CDH13: variants seen among roughly 807,000 people sequenced by gnomAD.
The protein encoded by CDH13 is cadherin-13.
CDH13 carries 24 observed loss-of-function variants against 63.8 expected under a neutral mutation model. That is an observed-to-expected ratio of 0.38 (90% CI 0.27 to 0.53). The LOEUF (loss-of-function observed/expected upper bound fraction) is 0.53. CDH13 is among the 20% of genes least tolerant of loss of function. The probability of loss-of-function intolerance (pLI) is 0.85; values close to 1 mark genes in which losing one functional copy is unlikely to be tolerated. For missense variants in CDH13, 1,049 were observed against 903.1 expected (o/e 1.16, Z -2.07); for synonymous variants, 503 against 355.3 (o/e 1.42, Z -4.67).
intron 7 of CDH13, among the ~76,000 whole-genome samples, chr16:83,491,765 C>A (rs1320628692): frequency 6.6e-6 from 1 of 151,994 alleles, no homozygotes; most frequent in African/African-American, 2.4e-5. Context: ...TGATAGCCTG[C>A]CCGTGAAAAT....
chr16:83,588,116 A>C (rs1906351926), intron 7 of CDH13, among the ~76,000 whole-genome samples: 2 of 152,158 alleles, frequency 1.3e-5, no homozygotes, highest in Admixed American at 1.3e-4. Context: ...CAAGGTGGAA[A>C]AGAGCCCAGC....
intron 7 of CDH13, among the ~76,000 whole-genome samples, chr16:83,531,387 G>C (rs1598233220): frequency 2.0e-5 from 3 of 152,304 alleles, no homozygotes; most frequent in African/African-American, 2.4e-5. Context: ...CCCAAGTCCT[G>C]ATCCTGGTAC....
At chr16:82,804,313 GCACACA>G (rs2037037077) in intron 1 of CDH13, among the ~76,000 whole-genome samples, 1 of 70,848 alleles carries the variant, frequency 1.4e-5, no homozygotes, top group Non-Finnish European at 2.5e-5. Flanking sequence ...ACACACACAC[GCACACA>G]CATACAAATA....
intron 3 of CDH13, among the ~76,000 whole-genome samples, chr16:83,090,585 A>AAC (rs1373623552): frequency 6.6e-6 from 1 of 151,590 alleles, no homozygotes; most frequent in East Asian, 1.9e-4. Flanking sequence ...AAAAAAAAAA[A>AAC]AAAAATAAGT....
At chr16:83,448,070 TA>T (rs2072765442) in intron 6 of CDH13, among the ~76,000 whole-genome samples, 1 of 152,306 alleles carries the variant, frequency 6.6e-6, no homozygotes, top group East Asian at 1.9e-4. Flanking sequence ...TTAGCTGAGA[TA>T]GGGGTAAATA....
chr16:83,594,235 T>C (rs965911274), intron 7 of CDH13, among the ~76,000 whole-genome samples: 7 of 152,222 alleles, frequency 4.6e-5, no homozygotes, highest in African/African-American at 1.7e-4. Context: ...ATAATAGCAG[T>C]AGCATCTCTC....
chr16:83,303,055 A>T (rs925664150), intron 5 of CDH13, among the ~76,000 whole-genome samples: 1 of 152,160 alleles, frequency 6.6e-6, no homozygotes, highest in African/African-American at 2.4e-5. Flanking sequence ...GGCTCCAGCA[A>T]TTGCCCACAT....
At chr16:82,661,581 G>A (rs1756547760) in intron 1 of CDH13, among the ~76,000 whole-genome samples, 1 of 152,204 alleles carries the variant, frequency 6.6e-6, no homozygotes, top group Admixed American at 6.5e-5. Flanking sequence ...GAAGATCCGT[G>A]CCTCTTGGTT....
In CDH13 at chr16:83,546,353, C is replaced by G. The variant is rs149659286; in HGVS notation, c.961-56101C>G. On this transcript the variant is annotated intron_variant, in intron 7 of 13. Transcript: ENST00000567109. Reference sequence around the variant, plus strand: ...CAGCAGATAGCCACAGGTGATGGCTCAAGTGCCTTCATTTAATTTAACTTA... The same window carrying G: ...CAGCAGATAGCCACAGGTGATGGCTGAAGTGCCTTCATTTAATTTAACTTA... Among the ~76,000 whole-genome samples the G allele has an allele frequency of 1.8e-3, 270 of 152,066 alleles. 1 individual carries two copies. Among genetic ancestry groups the G allele is most frequent in the African/African-American group, 6.1e-3 (255 of 41,472 alleles).
chr16:83,034,106 C>T (rs4300636), intron 3 of CDH13, among the ~76,000 whole-genome samples: 83,796 of 151,670 alleles, frequency 0.55, 23,268 homozygotes, highest in African/African-American at 0.59. Context: ...TCTTTATCTG[C>T]AGAATAGCGA....
At chr16:83,350,669 T>C (rs965750431) in intron 6 of CDH13, among the ~76,000 whole-genome samples, 11 of 152,160 alleles carry the variant, frequency 7.2e-5, no homozygotes, top group Non-Finnish European at 1.5e-4. Context: ...CCTCCTGGTA[T>C]TCATAGCTGA....
chr16:83,324,598 C>T (rs966985692), intron 5 of CDH13, among the ~76,000 whole-genome samples: 1 of 152,180 alleles, frequency 6.6e-6, no homozygotes, highest in Admixed American at 6.5e-5. Context: ...CATTTTATAG[C>T]TGAGTAATAT....
At chr16:82,741,060 A>G (rs1283462598) in intron 1 of CDH13, among the ~76,000 whole-genome samples, 2 of 151,730 alleles carry the variant, frequency 1.3e-5, no homozygotes, top group African/African-American at 4.8e-5. Flanking sequence ...ATACTCTCTC[A>G]CTCTCACTCT....
chr16:83,101,470 G>T (rs1283839452), intron 3 of CDH13, among the ~76,000 whole-genome samples: 1 of 151,470 alleles, frequency 6.6e-6, no homozygotes. Context: ...GCACAGGAGG[G>T]GAAATGAAGT....
At chr16:83,701,449 C>T (rs1906213225) in intron 10 of CDH13, among the ~76,000 whole-genome samples, 1 of 152,186 alleles carries the variant, frequency 6.6e-6, no homozygotes, top group South Asian at 2.1e-4. Context: ...AGGCCACATC[C>T]GGTCGTAGGC....
chr16:83,027,087 C>T (rs1233977460), intron 2 of CDH13, among the ~76,000 whole-genome samples: 2 of 149,294 alleles, frequency 1.3e-5, no homozygotes, highest in African/African-American at 5.0e-5. Context: ...CTCTTGCTCA[C>T]AGCACAGAAG....
At chr16:83,087,234 G>T (rs8052955) in intron 3 of CDH13, among the ~76,000 whole-genome samples, 75,710 of 151,946 alleles carry the variant, frequency 0.5, 19,048 homozygotes, top group Middle Eastern at 0.61. Flanking sequence ...TTAATTTGAC[G>T]TGATAAAGTT....
chr16:83,788,019 T>C (rs2151017016), intron 13 of CDH13, among the ~76,000 whole-genome samples: 1 of 152,326 alleles, frequency 6.6e-6, no homozygotes, highest in African/African-American at 2.4e-5. Context: ...TCCTATGTGA[T>C]TGCAAAGAGA....
chr16:83,660,736 G>C (rs1386973753), intron 8 of CDH13, among the ~76,000 whole-genome samples: 2 of 152,192 alleles, frequency 1.3e-5, no homozygotes, highest in East Asian at 3.9e-4. Context: ...TCTTCCTCCA[G>C]ATTCAGATGT....
Sources: allele counts gnomAD v4.1 joint callset (sites outside exome capture counted in the v4.1 genomes callset), GRCh38; gene constraint gnomAD v4.1.1; transcripts MANE v1.5; gene names NCBI Gene and HGNC (gene_info 2026-07-23, HGNC 2026-07-21).